Variants in WASF2 observed in about 807,000 individuals in gnomAD.
The protein encoded by WASF2 is actin-binding protein WASF2.
A neutral mutation model predicts 45.0 loss-of-function variants in WASF2; 14 were observed. The ratio of observed to expected loss-of-function variants is 0.31; its 90% CI spans 0.21 to 0.49. WASF2 has a LOEUF of 0.49. Among genes scored for constraint, WASF2 ranks in the 20% least tolerant of loss-of-function variants. The pLI, the probability that WASF2 is intolerant of heterozygous loss-of-function variation, is 0.99. For missense variants in WASF2, 439 were observed against 636.1 expected (o/e 0.69, Z 3.33); for synonymous variants, 200 against 236.3 (o/e 0.85, Z 1.41).
intron 1 of WASF2, among the ~76,000 whole-genome samples, chr1:27,450,190 G>T (rs2017366030): frequency 2.4e-5 from 1 of 41,256 alleles, no homozygotes; most frequent in African/African-American, 5.6e-5. Flanking sequence ...GTGACAACAT[G>T]AGCTGTCTGC....
chr1:27,485,549 G>A (rs935409110), intron 1 of WASF2, among the ~76,000 whole-genome samples: 2 of 152,070 alleles, frequency 1.3e-5, no homozygotes, highest in Non-Finnish European at 2.9e-5. Flanking sequence ...TGGTACTTAA[G>A]GAAAAATGCT....
At chr1:27,485,870 C>T (rs1290413550) in intron 1 of WASF2, among the ~76,000 whole-genome samples, 1 of 152,168 alleles carries the variant, frequency 6.6e-6, no homozygotes, top group Non-Finnish European at 1.5e-5. Flanking sequence ...CACCACCACA[C>T]CCGGCTAATT....
chr1:27,421,142 G>C (rs1177690307), intron 2 of WASF2, among the ~76,000 whole-genome samples: 1 of 152,156 alleles, frequency 6.6e-6, no homozygotes, highest in Non-Finnish European at 1.5e-5. Flanking sequence ...CATATTGATC[G>C]TTTGTGACCT....
intron 1 of WASF2, among the ~76,000 whole-genome samples, chr1:27,452,797 T>G (rs75683531): frequency 1.4e-5 from 2 of 143,504 alleles, no homozygotes; most frequent in East Asian, 4.3e-4. Context: ...GCCTGAGTGA[T>G]AGAGTGGGAC....
chr1:27,483,812 G>C (rs1041450973), intron 1 of WASF2, among the ~76,000 whole-genome samples: 1 of 151,602 alleles, frequency 6.6e-6, no homozygotes, highest in Non-Finnish European at 1.5e-5. Flanking sequence ...AATTGGGTGG[G>C]CATGGTAGCG....
intron 1 of WASF2, among the ~76,000 whole-genome samples, chr1:27,485,716 T>TTGTG (rs1450573522): frequency 2.6e-5 from 4 of 152,012 alleles, no homozygotes; most frequent in Non-Finnish European, 5.9e-5. Context: ...TCATGTAATT[T>TTGTG]TGTTTGTTTG....
At chr1:27,463,069 C>T (rs1420533648) in intron 1 of WASF2, among the ~76,000 whole-genome samples, 3 of 152,142 alleles carry the variant, frequency 2.0e-5, no homozygotes, top group Non-Finnish European at 4.4e-5. Flanking sequence ...ATCCGCCTGC[C>T]TGGACCTCCC....
At chr1:27,419,128 G>GTAA in intron 2 of WASF2, 40 bp from the exon 3 acceptor site, 1 of 1,606,586 alleles carries the variant, frequency 6.2e-7, no homozygotes, top group Non-Finnish European at 8.5e-7. Flanking sequence ...GTGCATAGAA[G>GTAA]TAACGTAAAT....
intron 1 of WASF2, among the ~76,000 whole-genome samples, chr1:27,476,429 T>A (rs2017767410): frequency 6.6e-6 from 1 of 152,210 alleles, no homozygotes; most frequent in Non-Finnish European, 1.5e-5. Context: ...ACCAAGGGGA[T>A]GGCCCAAGCC....
chr1:27,489,453 T>TACACAC lies in WASF2; in HGVS notation c.-44+527_-44+532dup, dbSNP rs371077805. Among the ~76,000 whole-genome samples the TACACAC allele has an allele frequency of 1.0e-3, 18 of 17,408 alleles. 1 individual carries two copies. Among genetic ancestry groups the TACACAC allele is most frequent in the African/African-American group, 5.4e-3 (16 of 2,936 alleles). The allele number at this position is 17,408 out of a possible 152,430, so 11.4% of individuals were successfully genotyped here. On this transcript the variant is annotated intron_variant, in intron 1 of 8. Transcript: ENST00000618852. The stretch of plus-strand genomic sequence containing the variant: ...AGCACCTCAATTACTTCATGGTACG[T>TACACAC]ACACACACACACACACACACACACA...
chr1:27,484,844 T>G (rs904977689), intron 1 of WASF2, among the ~76,000 whole-genome samples: 1 of 145,004 alleles, frequency 6.9e-6, no homozygotes, highest in African/African-American at 2.6e-5. Flanking sequence ...AGGAAAAAAA[T>G]CAGCTTTAAA....
At chr1:27,450,192 GC>G (rs1443990853) in intron 1 of WASF2, among the ~76,000 whole-genome samples, 128,300 of 151,920 alleles carry the variant, frequency 0.84, 54,800 homozygotes, top group Admixed American at 0.92. Flanking sequence ...GACAACATGA[GC>G]TGTCTGCCAC....
intron 1 of WASF2, among the ~76,000 whole-genome samples, chr1:27,483,449 G>C (rs560046806): frequency 6.6e-5 from 10 of 151,648 alleles, no homozygotes; most frequent in South Asian, 6.3e-4. Context: ...AGCCTGGGCA[G>C]CAAGAGCAAA....
chr1:27,418,500 C>A (rs2016856967), intron 3 of WASF2, 78 bp from the exon 4 acceptor site: 17 of 1,587,628 alleles, frequency 1.1e-5, no homozygotes, highest in Non-Finnish European at 1.4e-5. Flanking sequence ...GTCGGAGAGG[C>A]CTCAGCTGCT....
In WASF2 at chr1:27,447,026, T is replaced by C. The variant is rs114169728; in HGVS notation, c.-43-18093A>G. Among the ~76,000 whole-genome samples the C allele has an allele frequency of 7.5e-3, 1,147 of 152,270 alleles. 8 individuals are homozygous for C. Among genetic ancestry groups the C allele is most frequent in the Middle Eastern group, 0.024 (7 of 294 alleles). On this transcript the variant is annotated intron_variant, in intron 1 of 8. Transcript: ENST00000618852. ...AATAAATTGCATAGCTAAATCTCTATCAACTGCCTTGAAAATGGGCTTTGA... is the reference window on the plus strand; with the variant it reads ...AATAAATTGCATAGCTAAATCTCTACCAACTGCCTTGAAAATGGGCTTTGA...
At chr1:27,434,790 T>C (rs566469102) in intron 1 of WASF2, among the ~76,000 whole-genome samples, 90 of 152,118 alleles carry the variant, frequency 5.9e-4, no homozygotes, top group Middle Eastern at 3.4e-3. Context: ...TGAAAACAAA[T>C]AAAAGACTGC....
In WASF2 at chr1:27,489,175, G is replaced by C. The variant is rs80324690; in HGVS notation, c.-44+811C>G. ...CCCCAGCTCACCCCATCATGGTCTGGGTAGCACCCACGTCCTCCTTGGAAC... is the reference window on the plus strand; with the variant it reads ...CCCCAGCTCACCCCATCATGGTCTGCGTAGCACCCACGTCCTCCTTGGAAC... On this transcript the variant is annotated intron_variant, in intron 1 of 8. Transcript: ENST00000618852. Among the ~76,000 whole-genome samples, 1,254 of 151,060 alleles carry C rather than the reference G, an allele frequency of 8.3e-3. 52 individuals carry two copies. In the East Asian group the frequency reaches 0.098, roughly 12 times the overall value.
At chr1:27,452,526 G>A (rs941280848) in intron 1 of WASF2, among the ~76,000 whole-genome samples, 1 of 149,628 alleles carries the variant, frequency 6.7e-6, no homozygotes, top group African/African-American at 2.5e-5. Flanking sequence ...ATAAATAAAT[G>A]AATAAATAGG....
At chr1:27,443,588 G>A (rs1012465542) in intron 1 of WASF2, among the ~76,000 whole-genome samples, 1 of 151,666 alleles carries the variant, frequency 6.6e-6, no homozygotes. Flanking sequence ...ACTCCAGCCC[G>A]GGCAACAAGA....
Sources: gnomAD v4.1 joint callset for allele counts (sites outside exome capture counted in the v4.1 genomes callset) on GRCh38, gnomAD v4.1.1 for gene constraint, MANE v1.5 for transcripts, NCBI Gene and HGNC (gene_info 2026-07-23, HGNC 2026-07-21) for gene names.